PTPRK: variants seen among roughly 807,000 people sequenced by gnomAD.
PTPRK encodes protein tyrosine phosphatase receptor type K, also known as receptor-type tyrosine-protein phosphatase kappa.
PTPRK carries 75 observed loss-of-function variants against 178.0 expected under a neutral mutation model. That is an observed-to-expected ratio of 0.42 (90% CI 0.35 to 0.51). The LOEUF is 0.51. PTPRK is among the 20% of genes least tolerant of loss of function. PTPRK has a pLI of 0.02. For missense variants in PTPRK, 1,441 were observed against 1,797.8 expected (o/e 0.80, Z 3.59); for synonymous variants, 637 against 620.6 (o/e 1.03, Z -0.39).
chr6:128,113,316 T>G (rs1790973173), intron 7 of PTPRK, among the ~76,000 whole-genome samples: 3 of 151,436 alleles, frequency 2.0e-5, no homozygotes, highest in Admixed American at 1.3e-4. Flanking sequence ...AACAGTTAGT[T>G]GTTGCTTTGT....
At position 128,276,742 on chromosome 6, in the gene PTPRK, C is replaced by T. The variant is rs763676640; in HGVS notation, c.496-34140G>A. ...AAATGAAGAAACATAGAAGGAGTTG[C>T]GTATCTTTCAAATAATGTTCCCCAA... On this transcript the variant is annotated intron_variant, in intron 3 of 29. Coordinates refer to ENST00000368226, the MANE Select transcript of PTPRK (RefSeq NM_002844.4). Among the ~76,000 whole-genome samples the T allele has an allele frequency of 3.9e-5, 6 of 152,008 alleles. No homozygotes were observed. In the East Asian group the frequency reaches 7.7e-4, roughly 20 times the overall value.
chr6:128,337,318 T>C (rs1831074657), intron 2 of PTPRK, among the ~76,000 whole-genome samples: 1 of 152,154 alleles, frequency 6.6e-6, no homozygotes, highest in South Asian at 2.1e-4. Flanking sequence ...AGTGGAAGTG[T>C]TGATGGTGAC....
At chr6:128,185,703 T>C (rs987743788) in intron 6 of PTPRK, among the ~76,000 whole-genome samples, 1 of 152,136 alleles carries the variant, frequency 6.6e-6, no homozygotes, top group African/African-American at 2.4e-5. Flanking sequence ...GCAAATCACA[T>C]AAACTATTAA....
chr6:128,076,617 C>T (rs959567081), intron 11 of PTPRK, among the ~76,000 whole-genome samples: 8 of 152,016 alleles, frequency 5.3e-5, no homozygotes, highest in Non-Finnish European at 8.8e-5. Flanking sequence ...TTTCTGAGCA[C>T]TAATCTCCAA....
intron 18 of PTPRK, among the ~76,000 whole-genome samples, chr6:127,993,511 C>A (rs1294691115): frequency 6.6e-6 from 1 of 151,412 alleles, no homozygotes; most frequent in Non-Finnish European, 1.5e-5. Flanking sequence ...TACCAATGAG[C>A]CTTAGTAAAA....
chr6:128,276,688 C>G (rs1820777137), intron 3 of PTPRK, among the ~76,000 whole-genome samples: 1 of 152,076 alleles, frequency 6.6e-6, no homozygotes, highest in African/African-American at 2.4e-5. Flanking sequence ...CTCTGTAGAT[C>G]TGGCTTGATT....
At chr6:127,977,462 C>T (rs971934165) in intron 25 of PTPRK, among the ~76,000 whole-genome samples, 2 of 152,164 alleles carry the variant, frequency 1.3e-5, no homozygotes, top group East Asian at 3.9e-4. Flanking sequence ...AAGCACAAAA[C>T]CCCTGGTATG....
intron 3 of PTPRK, among the ~76,000 whole-genome samples, chr6:128,255,813 A>T (rs1817196959): frequency 6.6e-6 from 1 of 152,222 alleles, no homozygotes; most frequent in East Asian, 1.9e-4. Context: ...GCAGGCTAAA[A>T]TGTGAGAACC....
At chr6:128,147,390 C>T (rs1362711920) in intron 7 of PTPRK, among the ~76,000 whole-genome samples, 1 of 152,010 alleles carries the variant, frequency 6.6e-6, no homozygotes, top group Non-Finnish European at 1.5e-5. Context: ...TACTAAATAG[C>T]AAAACTTTAA....
intron 11 of PTPRK, among the ~76,000 whole-genome samples, chr6:128,073,792 C>A (rs1367921737): frequency 6.6e-6 from 1 of 152,008 alleles, no homozygotes; most frequent in Non-Finnish European, 1.5e-5. Flanking sequence ...ATTAAAGTAA[C>A]ATCTATTTGA....
intron 7 of PTPRK, among the ~76,000 whole-genome samples, chr6:128,181,176 T>C (rs1013767345): frequency 5.9e-5 from 9 of 152,084 alleles, no homozygotes; most frequent in Admixed American, 3.3e-4. Flanking sequence ...TTTTTTATTA[T>C]AAATAAGGAA....
intron 13 of PTPRK, among the ~76,000 whole-genome samples, chr6:128,048,537 T>C (rs1422382631): frequency 6.6e-6 from 1 of 152,180 alleles, no homozygotes; most frequent in Non-Finnish European, 1.5e-5. Context: ...TAACTGTATA[T>C]AAAGTAGTAA....
chr6:128,469,701 G>A (rs1437463976), intron 1 of PTPRK, among the ~76,000 whole-genome samples: 1 of 152,152 alleles, frequency 6.6e-6, no homozygotes, highest in Non-Finnish European at 1.5e-5. Flanking sequence ...ATCCGGCAAA[G>A]AGGAATTAAG....
chr6:128,373,555 G>A (rs926473596), intron 2 of PTPRK, among the ~76,000 whole-genome samples: 6 of 152,146 alleles, frequency 3.9e-5, no homozygotes, highest in African/African-American at 9.7e-5. Context: ...AGCCAGCTTC[G>A]AGAACCAGTG....
At chr6:128,279,766 A>T (rs1427154092) in intron 3 of PTPRK, among the ~76,000 whole-genome samples, 3 of 152,104 alleles carry the variant, frequency 2.0e-5, no homozygotes, top group Non-Finnish European at 4.4e-5. Flanking sequence ...CTACATGTTT[A>T]CCTCCAAAAT....
chr6:128,178,612 T>A (rs1801445995), intron 7 of PTPRK, among the ~76,000 whole-genome samples: 1 of 151,898 alleles, frequency 6.6e-6, no homozygotes, highest in South Asian at 2.1e-4. Flanking sequence ...AATTTATGGA[T>A]TTCCTGTTTC....
chr6:128,084,341 C>G (rs1785369964), intron 8 of PTPRK, among the ~76,000 whole-genome samples: 1 of 152,034 alleles, frequency 6.6e-6, no homozygotes, highest in South Asian at 2.1e-4. Context: ...AATAGCCAAC[C>G]TTACTTTTAT....
chr6:128,219,627 T>C (rs1234405235), intron 5 of PTPRK, among the ~76,000 whole-genome samples: 2 of 152,190 alleles, frequency 1.3e-5, no homozygotes, highest in African/African-American at 2.4e-5. Flanking sequence ...GCTGACACTA[T>C]GGTAGTAATT....
intron 6 of PTPRK, among the ~76,000 whole-genome samples, chr6:128,215,897 C>G (rs972756568): frequency 2.6e-5 from 4 of 151,842 alleles, no homozygotes; most frequent in Non-Finnish European, 5.9e-5. Flanking sequence ...GAGATAGGAC[C>G]TGTCAGCACA....
Sources: allele counts gnomAD v4.1 joint callset (sites outside exome capture counted in the v4.1 genomes callset), GRCh38; gene constraint gnomAD v4.1.1; transcripts MANE v1.5; gene names NCBI Gene and HGNC (gene_info 2026-07-23, HGNC 2026-07-21).